GPRC5A: variants seen among roughly 807,000 people sequenced by gnomAD.
GPRC5A encodes retinoic acid-induced protein 3.
Under a neutral mutation model 22.5 loss-of-function variants are expected in GPRC5A, and 19 were observed. The ratio of observed to expected loss-of-function variants is 0.85; its 90% CI spans 0.59 to 1.24. The LOEUF (loss-of-function observed/expected upper bound fraction) is 1.24. Ranked by LOEUF, GPRC5A falls within the 50% of genes most tolerant of loss-of-function variation. The pLI, the probability that GPRC5A is intolerant of heterozygous loss-of-function variation, is 0.00. For synonymous variants in GPRC5A, 192 were observed against 184.5 expected, an observed-to-expected ratio of 1.04 and a Z score of -0.33; for missense variants, 471 against 451.1, an observed-to-expected ratio of 1.04 and a Z score of -0.40.
intron 1 of GPRC5A, among the ~76,000 whole-genome samples, chr12:12,900,751 G>A (rs1863874849): frequency 6.6e-6 from 1 of 151,682 alleles, no homozygotes; most frequent in Non-Finnish European, 1.5e-5. Context: ...TTAGCCGGGT[G>A]TGGTGGCACA....
Position 12,915,624 on chromosome 12 carries a change from T to TCTCCTC in GPRC5A, c.*3099_*3104dup, listed in dbSNP as rs143086058. On this transcript the variant is annotated 3_prime_UTR_variant, in exon 4 of 4. Coordinates refer to ENST00000014914, the MANE Select transcript of GPRC5A (RefSeq NM_003979.4). ...GTTTCTCCTTCTTCCTTCTCCTCCT[T>TCTCCTC]CTCCTCCTCCTCCTCCTCCACCATG... 0.011 allele frequency: 2,014 copies of TCTCCTC among 186,284 alleles called. 19 individuals carry two copies. Among genetic ancestry groups the TCTCCTC allele is most frequent in the Admixed American group, 0.019 (313 of 16,290 alleles). The allele number at this position is 186,284 out of a possible 1,614,324, so 11.5% of individuals were successfully genotyped here. A position where few individuals can be genotyped will look rare whatever the true frequency, so the allele number is the denominator to read the frequency against.
At chr12:12,898,636 T>A (rs535638921) in intron 1 of GPRC5A, among the ~76,000 whole-genome samples, 3 of 152,320 alleles carry the variant, frequency 2.0e-5, no homozygotes, top group Non-Finnish European at 4.4e-5. Context: ...TAGCTCCACG[T>A]GCAGGTCGCA....
At position 12,909,080 on chromosome 12, in the gene GPRC5A, T is replaced by A; in HGVS notation, c.831T>A (p.Tyr277Ter). 1 of 1,605,916 alleles carries A rather than the reference T, an allele frequency of 6.2e-7. No individual in the cohort carries two copies. The highest frequency in any genetic ancestry group is 8.5e-7 in the Non-Finnish European group (1 of 1,179,882). ...LLTKQRNPMDYPVEDAFCKPQ... is the reference protein window; with the variant it reads ...LLTKQRNPMD The stretch of plus-strand genomic sequence containing the variant: ...CAAAGCAACGAAACCCCATGGATTA[T>A]CCTGTTGAGGATGCTTTCTGTAAAC... Residue 277 changes from tyrosine (Y) to a stop codon, truncating the protein, a stop_gained, in exon 2 of 4, where the codon TAT (tyrosine) becomes TAA (stop). Coordinates refer to ENST00000014914, the MANE Select transcript of GPRC5A (RefSeq NM_003979.4). LOFTEE classifies it high-confidence loss of function.
intron 1 of GPRC5A, among the ~76,000 whole-genome samples, chr12:12,893,641 A>G (rs73292805): frequency 6.6e-6 from 1 of 152,152 alleles, no homozygotes; most frequent in Non-Finnish European, 1.5e-5. Context: ...CATGGACCAT[A>G]GTTCCTATTA....
In GPRC5A at chr12:12,892,936, G is replaced by C. The variant is rs550461159; in HGVS notation, c.-8+1272G>C. Among the ~76,000 whole-genome samples, 9 of 152,310 alleles carry C rather than the reference G, an allele frequency of 5.9e-5. No homozygotes were observed. In the East Asian group the frequency reaches 1.2e-3, roughly 20 times the overall value. On this transcript the variant is annotated intron_variant, in intron 1 of 3. Coordinates refer to ENST00000014914, the MANE Select transcript of GPRC5A (RefSeq NM_003979.4). Reference sequence around the variant, plus strand: ...GGGCGGAGGGGGCACACACCCTCCAGGTTTGCATGCCGGTGTCTGCTAGGT... The same window carrying C: ...GGGCGGAGGGGGCACACACCCTCCACGTTTGCATGCCGGTGTCTGCTAGGT...
In GPRC5A at chr12:12,914,191, G is replaced by A. The variant is rs1864034864; in HGVS notation, c.*1652G>A. On this transcript the variant is annotated 3_prime_UTR_variant, in exon 4 of 4. Coordinates refer to ENST00000014914, the MANE Select transcript of GPRC5A (RefSeq NM_003979.4). ...ATGTAAAAATGTGTAGCTAAGTCAG[G>A]GAGTTACTTCCTAAGAGCCTGACGC... 1 of 152,804 alleles carries A rather than the reference G, an allele frequency of 6.5e-6. No homozygotes were observed. The highest frequency in any genetic ancestry group is 1.5e-5 in the Non-Finnish European group (1 of 68,050). The allele number at this position is 152,804 out of a possible 1,614,324, so 9.5% of individuals were successfully genotyped here.
chr12:12,896,310 C>G (rs1046528542), intron 1 of GPRC5A, among the ~76,000 whole-genome samples: 2 of 152,140 alleles, frequency 1.3e-5, no homozygotes, highest in African/African-American at 4.8e-5. Context: ...CTTATTTTCT[C>G]TCATTATTGC....
At chr12:12,909,745 AT>A (rs907805435) in intron 2 of GPRC5A, 1 of 152,666 alleles carries the variant, frequency 6.6e-6, no homozygotes, top group South Asian at 2.1e-4. Flanking sequence ...GAAGAACCAC[AT>A]TTTTTGTGTA....
chr12:12,892,823 C>G (rs528169151), intron 1 of GPRC5A, among the ~76,000 whole-genome samples: 6 of 152,232 alleles, frequency 3.9e-5, no homozygotes, highest in Non-Finnish European at 2.9e-5. Context: ...AGGGTTCGGC[C>G]GAATCAGCCA....
At chr12:12,911,380 A>G (rs904400177) in intron 2 of GPRC5A, among the ~76,000 whole-genome samples, 3 of 152,048 alleles carry the variant, frequency 2.0e-5, no homozygotes, top group African/African-American at 4.8e-5. Context: ...AAATATATAC[A>G]TATTTTCCTT....
intron 1 of GPRC5A, among the ~76,000 whole-genome samples, chr12:12,894,042 A>G (rs937394404): frequency 6.6e-6 from 1 of 152,208 alleles, no homozygotes; most frequent in Non-Finnish European, 1.5e-5. Context: ...GATCATAGGC[A>G]TGAGCCACAA....
rs1863966791 is a variant in GPRC5A, at chr12:12,908,518, A to T, written c.269A>T (p.Asp90Val). The change falls in exon 2 of 4, where the codon GAC becomes GTC. Residue 90 changes from aspartate (D) to valine (V), a missense_variant. Coordinates refer to ENST00000014914, the MANE Select transcript of GPRC5A (RefSeq NM_003979.4). Reference protein sequence around the residue: ...GLTFAFIIGLDGSTGPTRFFL... With the variant: ...GLTFAFIIGLVGSTGPTRFFL... ...ACCTTCGCCTTCATCATCGGACTGG[A>T]CGGGAGCACAGGGCCCACACGCTTC... The T allele has an allele frequency of 1.9e-6, 3 of 1,613,850 alleles. No homozygotes were observed. The highest frequency in any genetic ancestry group is 2.5e-6 in the Non-Finnish European group (3 of 1,180,006).
In GPRC5A at chr12:12,909,151, C is replaced by T. The variant is rs1431169023; in HGVS notation, c.902C>T (p.Ser301Phe). 2.5e-6 allele frequency: 4 copies of T among 1,590,016 alleles called. No homozygotes were observed. The highest frequency in any genetic ancestry group is 1.7e-5 in the Admixed American group (1 of 59,108). Reference protein sequence around the residue: ...KSYGVENRAYSQEEITQGFEE... With the variant: ...KSYGVENRAYFQEEITQGFEE... ...TATGGTGTGGAGAACAGAGCCTACT[C>T]TCAAGAGGAAATCACTCAAGGTACA... The change falls in exon 2 of 4, where the codon TCT becomes TTT. Residue 301 changes from serine to phenylalanine, a missense_variant. Ser to Phe is a radical substitution (Grantham distance 155). Transcript: ENST00000014914.
Position 12,916,393 on chromosome 12 carries a change from C to T in GPRC5A, c.*3854C>T, listed in dbSNP as rs1209096885. ...TGAGGCCGTCCAAAGCGGCCATGCC[C>T]CATGTTTCCACTAGATGGCGCTGAC... On this transcript the variant is annotated 3_prime_UTR_variant, in exon 4 of 4. Transcript: ENST00000014914. 1 of 152,278 alleles carries T rather than the reference C, an allele frequency of 6.6e-6. No homozygotes were observed. The highest frequency in any genetic ancestry group is 1.5e-5 in the Non-Finnish European group (1 of 68,088). 9.4% of individuals were successfully genotyped at this position (152,278 alleles called of 1,614,324 possible).
chr12:12,910,630 G>C (rs535944797), intron 2 of GPRC5A, among the ~76,000 whole-genome samples: 2 of 152,124 alleles, frequency 1.3e-5, no homozygotes, highest in Non-Finnish European at 2.9e-5. Flanking sequence ...TGTGCTCCAG[G>C]TGTGTCTGTC....
At chr12:12,907,223 C>A (rs1863951266) in intron 1 of GPRC5A, among the ~76,000 whole-genome samples, 1 of 151,336 alleles carries the variant, frequency 6.6e-6, no homozygotes, top group African/African-American at 2.4e-5. Context: ...CGGTGAAACC[C>A]CGTCTCTACT....
intron 2 of GPRC5A, among the ~76,000 whole-genome samples, chr12:12,911,017 T>C (rs888743517): frequency 6.6e-6 from 1 of 151,718 alleles, no homozygotes; most frequent in Non-Finnish European, 1.5e-5. Context: ...ATTACAGACG[T>C]GCACCATTAT....
At chr12:12,900,923 A>AAAAAAAAAAAAAAAAC (rs1555104732) in intron 1 of GPRC5A, among the ~76,000 whole-genome samples, 2 of 109,876 alleles carry the variant, frequency 1.8e-5, no homozygotes, top group Non-Finnish European at 3.8e-5. Flanking sequence ...ACAAAAAAAA[A>AAAAAAAAAAAAAAAAC]ACAACCCAGA....
Position 12,912,076 on chromosome 12 carries a change from C to T in GPRC5A, c.923-8C>T. ...AGTGGTTTAATTTCTCCTGTTCCTC[C>T]ATTTCAGGTTTTGAAGAGACAGGGG... On this transcript the variant is annotated splice_polypyrimidine_tract_variant and splice_region_variant and intron_variant, in intron 2 of 3. Coordinates refer to ENST00000014914, the MANE Select transcript of GPRC5A (RefSeq NM_003979.4). 1 of 1,606,104 alleles carries T rather than the reference C, an allele frequency of 6.2e-7. No individual in the cohort carries two copies. Among genetic ancestry groups the T allele is most frequent in the Non-Finnish European group, 8.5e-7 (1 of 1,172,874 alleles).
Sources: allele counts gnomAD v4.1 joint callset (sites outside exome capture counted in the v4.1 genomes callset), GRCh38; gene constraint gnomAD v4.1.1; transcripts MANE v1.5; gene names NCBI Gene and HGNC (gene_info 2026-07-23, HGNC 2026-07-21).